Variants in PRDM6 observed in about 807,000 individuals in gnomAD.
PRDM6 encodes PR/SET domain 6.
A neutral mutation model predicts 60.8 loss-of-function variants in PRDM6; 25 were observed. The ratio of observed to expected loss-of-function variants is 0.41; its 90% CI spans 0.30 to 0.57. The LOEUF (loss-of-function observed/expected upper bound fraction) is 0.57. PRDM6 is among the 20% of genes least tolerant of loss of function. The pLI is 0.27. For synonymous variants in PRDM6, 407 were observed against 357.4 expected, an observed-to-expected ratio of 1.14 and a Z score of -1.57; for missense variants, 839 against 821.3, an observed-to-expected ratio of 1.02 and a Z score of -0.26.
intron 6 of PRDM6, among the ~76,000 whole-genome samples, chr5:123,176,087 GC>G (rs1182530485): frequency 6.6e-6 from 1 of 152,078 alleles, no homozygotes; most frequent in Non-Finnish European, 1.5e-5. Flanking sequence ...GTCAGAACTA[GC>G]CACACAAAGC....
chr5:123,113,570 T>A (rs1764363957), intron 3 of PRDM6, among the ~76,000 whole-genome samples: 1 of 152,226 alleles, frequency 6.6e-6, no homozygotes, highest in African/African-American at 2.4e-5. Context: ...CAAGGCCGTA[T>A]GTAGTAAAGG....
intron 3 of PRDM6, among the ~76,000 whole-genome samples, chr5:123,129,532 A>G (rs1252592922): frequency 6.6e-6 from 1 of 152,174 alleles, no homozygotes; most frequent in East Asian, 1.9e-4. Context: ...TTACCGTGAA[A>G]CCATATAAAA....
intron 3 of PRDM6, among the ~76,000 whole-genome samples, chr5:123,105,382 C>T (rs886529357): frequency 1.3e-5 from 2 of 152,192 alleles, no homozygotes; most frequent in African/African-American, 4.8e-5. Context: ...AATGTCATAC[C>T]ATAACACTGG....
At chr5:123,174,255 C>A (rs1765957133) in intron 6 of PRDM6, among the ~76,000 whole-genome samples, 1 of 152,202 alleles carries the variant, frequency 6.6e-6, no homozygotes, top group Non-Finnish European at 1.5e-5. Context: ...ATTTGGGATG[C>A]TCAACCTGTA....
chr5:123,186,520 A>G (rs1283549234), intron 7 of PRDM6, among the ~76,000 whole-genome samples: 6 of 152,278 alleles, frequency 3.9e-5, no homozygotes, highest in Non-Finnish European at 8.8e-5. Context: ...TTTTAACCCT[A>G]AGTTTGGTTA....
At chr5:123,181,222 C>G (rs1160497037) in intron 7 of PRDM6, among the ~76,000 whole-genome samples, 1 of 152,218 alleles carries the variant, frequency 6.6e-6, no homozygotes, top group Non-Finnish European at 1.5e-5. Context: ...AGCTGTTCCT[C>G]CTTTTCTCCA....
chr5:123,137,981 C>T (rs1422581458), intron 3 of PRDM6, among the ~76,000 whole-genome samples: 1 of 151,776 alleles, frequency 6.6e-6, no homozygotes, highest in East Asian at 1.9e-4. Flanking sequence ...GCAAAAACCA[C>T]GAATGCTGAT....
chr5:123,186,731 T>C (rs1201957691), intron 7 of PRDM6, among the ~76,000 whole-genome samples: 1 of 152,232 alleles, frequency 6.6e-6, no homozygotes, highest in Non-Finnish European at 1.5e-5. Context: ...AATTTCTCTT[T>C]GGGGTTACAG....
rs1046091199 is a variant in PRDM6, at chr5:123,089,895, G to T, written c.-15-105G>T. On this transcript the variant is annotated intron_variant, in intron 1 of 7. Coordinates refer to ENST00000407847, the MANE Select transcript of PRDM6 (RefSeq NM_001136239.4). ...GGAGCCGCGGAACCGGGCGGCCGCC[G>T]GCTGAACCACCGGCTCGGGCACTTT... The T allele has an allele frequency of 4.5e-5, 38 of 852,568 alleles. 1 individual carries two copies. Among genetic ancestry groups the T allele is most frequent in the South Asian group, 9.0e-5 (5 of 55,496 alleles). 52.8% of individuals were successfully genotyped at this position (852,568 alleles called of 1,614,324 possible).
At chr5:123,179,278 T>G (rs34737449) in intron 6 of PRDM6, among the ~76,000 whole-genome samples, 1,855 of 152,346 alleles carry the variant, frequency 0.012, 18 homozygotes, top group Middle Eastern at 0.054. Context: ...TCCTTCCATT[T>G]GCTTTTGCAT....
rs2150207554 is a variant in PRDM6, at chr5:123,099,246, G to A, written c.593-408G>A. 6.6e-6 allele frequency among the ~76,000 whole-genome samples: 1 copy of A among 152,276 alleles called. No homozygotes were observed. The highest frequency in any genetic ancestry group is 1.9e-4 in the East Asian group (1 of 5,174). On this transcript the variant is annotated intron_variant, in intron 2 of 7. Transcript: ENST00000407847. The surrounding 1 kb of genome is among the most constrained non-coding windows in gnomAD (Gnocchi z 4.0). ...AACTCCAGATAGAAACCTCAGGAAT[G>A]GGCGAGAGGGTCAGAAGGAACGAGA... is the stretch of plus-strand genomic sequence containing the variant.
intron 3 of PRDM6, among the ~76,000 whole-genome samples, chr5:123,141,796 T>A (rs1765109540): frequency 6.6e-6 from 1 of 152,192 alleles, no homozygotes; most frequent in African/African-American, 2.4e-5. Flanking sequence ...TGGTACTGTT[T>A]GAGCACTTAG....
intron 5 of PRDM6, among the ~76,000 whole-genome samples, chr5:123,159,914 C>T (rs1397833622): frequency 1.3e-5 from 2 of 152,186 alleles, no homozygotes; most frequent in African/African-American, 4.8e-5. Flanking sequence ...AGCTGGTATT[C>T]ACTGAGTACC....
At chr5:123,172,219 G>A (rs1384679328) in intron 6 of PRDM6, among the ~76,000 whole-genome samples, 1 of 152,148 alleles carries the variant, frequency 6.6e-6, no homozygotes, top group Non-Finnish European at 1.5e-5. Flanking sequence ...GATGGAGGTG[G>A]CGGGGAGAGG....
intron 5 of PRDM6, among the ~76,000 whole-genome samples, chr5:123,169,505 C>T (rs939662396): frequency 6.6e-6 from 1 of 152,116 alleles, no homozygotes; most frequent in Non-Finnish European, 1.5e-5. Flanking sequence ...TAAGTACTTT[C>T]ATTGGTGTAT....
intron 3 of PRDM6, among the ~76,000 whole-genome samples, chr5:123,152,726 A>C (rs1056214705): frequency 6.6e-6 from 1 of 152,240 alleles, no homozygotes; most frequent in Admixed American, 6.5e-5. Context: ...ACCCTGGTGC[A>C]TAATTTACTC....
chr5:123,128,308 G>T (rs1236475821), intron 3 of PRDM6, among the ~76,000 whole-genome samples: 7 of 152,132 alleles, frequency 4.6e-5, no homozygotes. Flanking sequence ...TGGGTCAAAT[G>T]GTATTTCTAG....
rs1763747354 is a variant in PRDM6, at chr5:123,089,375, C to T, written c.-160C>T. On this transcript the variant is annotated 5_prime_UTR_variant, in exon 1 of 8. Transcript: ENST00000407847. ...CCTCCCAATTTTCTCGCTTGCAGGT[C>T]GGGAGGTTTCCGGGCGGCACAATCT... 1 of 152,666 alleles carries T rather than the reference C, an allele frequency of 6.6e-6. No individual in the cohort carries two copies. The highest frequency in any genetic ancestry group is 2.1e-4 in the South Asian group (1 of 4,804). 9.5% of individuals were successfully genotyped at this position (152,666 alleles called of 1,614,324 possible).
At chr5:123,130,861 C>G (rs915261418) in intron 3 of PRDM6, among the ~76,000 whole-genome samples, 2 of 152,170 alleles carry the variant, frequency 1.3e-5, no homozygotes, top group African/African-American at 4.8e-5. Flanking sequence ...GCCACCACGT[C>G]CAGCCTAGGA....
Sources: allele counts gnomAD v4.1 joint callset (sites outside exome capture counted in the v4.1 genomes callset), GRCh38; gene constraint gnomAD v4.1.1; non-coding constraint Gnocchi (gnomAD v3.1); transcripts MANE v1.5; gene names NCBI Gene and HGNC (gene_info 2026-07-23, HGNC 2026-07-21).